Variants in ITGAX observed in about 807,000 individuals in gnomAD.
The protein encoded by ITGAX is integrin subunit alpha X, also known as integrin alpha-X.
A neutral mutation model predicts 140.2 loss-of-function variants in ITGAX; 99 were observed. The ratio of observed to expected loss-of-function variants is 0.71; its 90% CI spans 0.60 to 0.83. The LOEUF (loss-of-function observed/expected upper bound fraction) is 0.83. Ranked by LOEUF, ITGAX falls within the 40% of genes least tolerant of loss-of-function variation. ITGAX has a pLI of 0.00. For synonymous variants in ITGAX, 631 were observed against 600.4 expected, an observed-to-expected ratio of 1.05 and a Z score of -0.75; for missense variants, 1,444 against 1,482.0, an observed-to-expected ratio of 0.97 and a Z score of 0.42.
rs1336482905 is a variant in ITGAX, at chr16:31,362,658, C to A, written c.1264C>A (p.Leu422Met). Reference protein sequence around the residue: ...ALWKGVQSLVLGAPRYQHTGK... With the variant: ...ALWKGVQSLVMGAPRYQHTGK... The stretch of plus-strand genomic sequence containing the variant: ...CTGGAAAGGGGTGCAGAGCCTGGTC[C>A]TGGGGGCCCCCCGCTACCAGCACAC... Residue 422 changes from leucine to methionine, a missense_variant, in exon 12 of 30, where the codon CTG (leucine) becomes ATG (methionine). Transcript: ENST00000268296. 31 of 1,613,574 alleles carry A rather than the reference C, an allele frequency of 1.9e-5. No homozygotes were observed. The highest frequency in any genetic ancestry group is 2.5e-5 in the Non-Finnish European group (30 of 1,179,794).
At chr16:31,372,948 T>C (rs992180676) in intron 19 of ITGAX, among the ~76,000 whole-genome samples, 3 of 121,676 alleles carry the variant, frequency 2.5e-5, no homozygotes, top group African/African-American at 1.1e-4. Flanking sequence ...ACAACATCAC[T>C]TGAGTGTGGT....
rs779883570 is a variant in ITGAX, at chr16:31,380,560, A to C, written c.3212A>C (p.Glu1071Ala). 54 of 1,614,240 alleles carry C rather than the reference A, an allele frequency of 3.3e-5. No individual in the cohort carries two copies. The highest frequency in any genetic ancestry group is 4.5e-5 in the Non-Finnish European group (53 of 1,180,044). The change falls in exon 28 of 30, where the codon GAA becomes GCA. Residue 1071 changes from glutamate to alanine, a missense_variant. By Grantham distance (107) the Glu-to-Ala change is moderately radical. Coordinates refer to ENST00000268296, the MANE Select transcript of ITGAX (RefSeq NM_000887.5). ...AAGGTGTCGGTCGTGAGTGTGGCTG[A>C]AATTACGTTCGACACATCCGTGTAC... is the stretch of plus-strand genomic sequence containing the variant. The part of the protein sequence containing the change: ...QKKVSVVSVA[E>A]ITFDTSVYSQ...
At chr16:31,373,078 G>C (rs571364276) in intron 19 of ITGAX, among the ~76,000 whole-genome samples, 171 bp from the exon 20 acceptor site, 5 of 148,530 alleles carry the variant, frequency 3.4e-5, no homozygotes, top group Non-Finnish European at 7.4e-5. Flanking sequence ...GGGTGAAAGA[G>C]CAGGACTCTG....
At position 31,382,249 on chromosome 16, in the gene ITGAX, CTTTTTTTTTT is replaced by C; in HGVS notation, c.*347_*356del. ...CTTTCTTTTTTTTTTTTTTTCTTTTCTTTTTTTTTTTTTTGAGACGGAGTCTCGCTCTGTC... is the reference window on the plus strand; with the variant it reads ...CTTTCTTTTTTTTTTTTTTTCTTTTCTTTTGAGACGGAGTCTCGCTCTGTC... On this transcript the variant is annotated 3_prime_UTR_variant, in exon 30 of 30. Transcript: ENST00000268296. 1 of 658,768 alleles carries C rather than the reference CTTTTTTTTTT, an allele frequency of 1.5e-6. No individual in the cohort carries two copies. Among genetic ancestry groups the C allele is most frequent in the Non-Finnish European group, 1.9e-6 (1 of 533,366 alleles). The allele number at this position is 658,768 out of a possible 1,614,324, so 40.8% of individuals were successfully genotyped here. A position where few individuals can be genotyped will look rare whatever the true frequency, so the allele number is the denominator to read the frequency against.
intron 25 of ITGAX, 38 bp downstream of exon 25, chr16:31,379,902 C>G: frequency 6.2e-7 from 1 of 1,609,492 alleles, no homozygotes; most frequent in Non-Finnish European, 8.5e-7. Flanking sequence ...CACGAATGCC[C>G]TTTCTACCTG....
intron 14 of ITGAX, among the ~76,000 whole-genome samples, chr16:31,370,297 G>A (rs2080941875): frequency 6.6e-6 from 1 of 152,132 alleles, no homozygotes; most frequent in Admixed American, 6.6e-5. Flanking sequence ...AGGGTGCACA[G>A]AGATTTAAAG....
chr16:31,380,491 A>C, intron 27 of ITGAX, 32 bp from the exon 28 acceptor site: 1 of 1,613,842 alleles, frequency 6.2e-7, no homozygotes, highest in Non-Finnish European at 8.5e-7. Flanking sequence ...CCCCAGAGCC[A>C]GTTCAACAGG....
Position 31,362,763 on chromosome 16 carries a change from G to A in ITGAX, c.1359+10G>A, listed in dbSNP as rs749123884. ...AGTCACGGGGACTCAGGTTGGGCGTGACAGGAGCCAGAGGGGAGGATGAGG... is the reference window on the plus strand; with the variant it reads ...AGTCACGGGGACTCAGGTTGGGCGTAACAGGAGCCAGAGGGGAGGATGAGG... On this transcript the variant is annotated intron_variant, in intron 12 of 29. Coordinates refer to ENST00000268296, the MANE Select transcript of ITGAX (RefSeq NM_000887.5). The A allele has an allele frequency of 6.2e-7, 1 of 1,613,690 alleles. No homozygotes were observed. The highest frequency in any genetic ancestry group is 8.5e-7 in the Non-Finnish European group (1 of 1,179,770).
Position 31,377,976 on chromosome 16 carries a change from T to A in ITGAX, c.2789+711T>A, listed in dbSNP as rs552395017. On this transcript the variant is annotated intron_variant, in intron 23 of 29. Coordinates refer to ENST00000268296, the MANE Select transcript of ITGAX (RefSeq NM_000887.5). ...AGAGTAGGCGTGGTGGGCTGGTGTT[T>A]GGACTATGCCAGCTGGAGGACAGGT... 1.1e-4 allele frequency among the ~76,000 whole-genome samples: 16 copies of A among 152,296 alleles called. No individual in the cohort carries two copies. In the South Asian group the frequency reaches 3.3e-3, roughly 32 times the overall value.
At chr16:31,381,745 C>T in intron 29 of ITGAX, 58 bp from the exon 30 acceptor site, 1 of 857,226 alleles carries the variant, frequency 1.2e-6, no homozygotes, top group South Asian at 1.3e-5. Context: ...TCAGTCATCT[C>T]TTTTCCTCTC....
intron 22 of ITGAX, 34 bp downstream of exon 22, chr16:31,377,113 A>G: frequency 6.2e-7 from 1 of 1,611,202 alleles, no homozygotes; most frequent in Non-Finnish European, 8.5e-7. Flanking sequence ...AGTGCCCCTC[A>G]TCTCCAGCCT....
At chr16:31,359,872 C>G (rs4264407) in intron 6 of ITGAX, 42 bp downstream of exon 6, 1,501,395 of 1,613,904 alleles carry the variant, frequency 0.93, 698,809 homozygotes, top group East Asian at 1. Context: ...GTGGGTGCTT[C>G]GATCCTGGTG....
In ITGAX at chr16:31,371,689, C is replaced by T. The variant is rs371319485; in HGVS notation, c.2065C>T (p.Arg689Cys). The T allele has an allele frequency of 9.9e-6, 16 of 1,614,014 alleles. No homozygotes were observed. Among genetic ancestry groups the T allele is most frequent in the South Asian group, 8.8e-5 (8 of 91,086 alleles). The stretch of plus-strand genomic sequence containing the variant: ...CCTCGACCCTGGCCGCCTGAGTCCC[C>T]GTGCCACCTTCCAGGAAACAAAGAA... ...LALDPGRLSP[R>C]ATFQETKNRS... Residue 689 changes from arginine (R) to cysteine (C), a missense_variant, in exon 17 of 30, where the codon CGT becomes TGT. Arg to Cys is a radical substitution (Grantham distance 180). Transcript: ENST00000268296.
At chr16:31,359,180 A>AT (rs1287718461) in intron 5 of ITGAX, among the ~76,000 whole-genome samples, 4 of 150,594 alleles carry the variant, frequency 2.7e-5, no homozygotes, top group African/African-American at 9.8e-5. Flanking sequence ...TTCATTTTTT[A>AT]TTTTTTTGAG....
intron 9 of ITGAX, 30 bp from the exon 10 acceptor site, chr16:31,361,806 C>T: frequency 6.2e-7 from 1 of 1,612,020 alleles, no homozygotes; most frequent in Non-Finnish European, 8.5e-7. Context: ...GTCTCCCTCC[C>T]TGGCACTCAA....
At chr16:31,380,826 T>C in intron 28 of ITGAX, 71 bp from the exon 29 acceptor site, 7 of 1,422,876 alleles carry the variant, frequency 4.9e-6, no homozygotes, top group Middle Eastern at 2.0e-4. Context: ...GAGTTAAAGG[T>C]TGGGGAGCCT....
intron 5 of ITGAX, 38 bp from the exon 6 acceptor site, chr16:31,359,662 A>C: frequency 6.2e-7 from 1 of 1,609,764 alleles, no homozygotes; most frequent in Non-Finnish European, 8.5e-7. Context: ...GGACTCCAGG[A>C]GTGTCACTTG....
At chr16:31,357,890 T>C (rs1307410438) in intron 5 of ITGAX, 1 of 230,016 alleles carries the variant, frequency 4.3e-6, no homozygotes. Flanking sequence ...TGCATGTGTG[T>C]GCATGTATGT....
Position 31,380,392 on chromosome 16 carries a change from A to C in ITGAX, c.3174+13A>C, listed in dbSNP as rs767881947. On this transcript the variant is annotated intron_variant, in intron 27 of 29. Transcript: ENST00000268296. ...CTGGGTCCGCCAGGTGTGTGGGTGC[A>C]ACGACAGAGCCCCTGCCCCAGACTC... 2 of 1,613,376 alleles carry C rather than the reference A, an allele frequency of 1.2e-6. No individual in the cohort carries two copies. Among genetic ancestry groups the C allele is most frequent in the Non-Finnish European group, 1.7e-6 (2 of 1,179,564 alleles).
Sources: gnomAD v4.1 joint callset for allele counts (sites outside exome capture counted in the v4.1 genomes callset) on GRCh38, gnomAD v4.1.1 for gene constraint, MANE v1.5 for transcripts, NCBI Gene and HGNC (gene_info 2026-07-23, HGNC 2026-07-21) for gene names.